Variants in CELF4 observed in about 807,000 individuals in gnomAD.
The protein encoded by CELF4 is CUGBP Elav-like family member 4.
In CELF4, 18 loss-of-function variants were observed where a neutral mutation model predicts 59.9. That is an observed-to-expected ratio of 0.30 (90% CI 0.21 to 0.45). The LOEUF (loss-of-function observed/expected upper bound fraction) is 0.45. Among genes scored for constraint, CELF4 ranks in the 20% least tolerant of loss-of-function variants. CELF4 has a pLI of 1.00. For missense variants in CELF4, 456 were observed against 689.0 expected, an observed-to-expected ratio of 0.66 and a Z score of 3.79; for synonymous variants, 261 against 267.1, an observed-to-expected ratio of 0.98 and a Z score of 0.22.
chr18:37,339,333 G>A (rs1053214605), intron 2 of CELF4, among the ~76,000 whole-genome samples: 25 of 152,214 alleles, frequency 1.6e-4, no homozygotes, highest in Non-Finnish European at 3.2e-4. Context: ...GAAAGTGGGG[G>A]CTTGGCTTGC....
chr18:37,435,499 C>G (rs1457336091), intron 2 of CELF4, among the ~76,000 whole-genome samples: 1 of 152,214 alleles, frequency 6.6e-6, no homozygotes, highest in Non-Finnish European at 1.5e-5. Context: ...CTGAGTTTCT[C>G]TCTCTTGCTT....
chr18:37,252,654 G>C (rs1321638689), intron 12 of CELF4, among the ~76,000 whole-genome samples: 1 of 83,982 alleles, frequency 1.2e-5, no homozygotes, highest in Non-Finnish European at 2.5e-5. Context: ...CACCTTCTAT[G>C]CTCCAATTCA....
chr18:37,432,482 AAAC>A (rs2099672912), intron 2 of CELF4, among the ~76,000 whole-genome samples: 1 of 152,242 alleles, frequency 6.6e-6, no homozygotes, highest in Non-Finnish European at 1.5e-5. Flanking sequence ...TCAACTTTAT[AAAC>A]AACAAAGACA....
At chr18:37,455,812 C>G (rs2099776515) in intron 2 of CELF4, among the ~76,000 whole-genome samples, 1 of 152,178 alleles carries the variant, frequency 6.6e-6, no homozygotes, top group Non-Finnish European at 1.5e-5. Flanking sequence ...CCCCCGGGCT[C>G]TCCCAGGGCT....
chr18:37,355,315 G>C (rs757295646), intron 2 of CELF4, among the ~76,000 whole-genome samples: 17 of 152,202 alleles, frequency 1.1e-4, no homozygotes, highest in African/African-American at 4.1e-4. Context: ...ATGTGGTATT[G>C]AGTGTATATC....
At chr18:37,476,225 G>A (rs1430978658) in intron 2 of CELF4, among the ~76,000 whole-genome samples, 1 of 152,208 alleles carries the variant, frequency 6.6e-6, no homozygotes, top group Non-Finnish European at 1.5e-5. Flanking sequence ...CAAGTTGGTT[G>A]GTGTCCTCTG....
At chr18:37,377,274 C>T (rs2098982141) in intron 2 of CELF4, among the ~76,000 whole-genome samples, 1 of 152,144 alleles carries the variant, frequency 6.6e-6, no homozygotes, top group East Asian at 1.9e-4. Flanking sequence ...CTGAGGACGG[C>T]CTCCTGCTTC....
intron 2 of CELF4, among the ~76,000 whole-genome samples, chr18:37,428,994 A>G (rs1046413004): frequency 1.3e-5 from 2 of 152,134 alleles, no homozygotes. Flanking sequence ...GTGGTTCCCA[A>G]TAATGTTTGC....
chr18:37,486,042 C>A (rs1194662547), intron 1 of CELF4: 4 of 154,376 alleles, frequency 2.6e-5, no homozygotes, highest in Non-Finnish European at 5.7e-5. Context: ...GAGTGCTGGG[C>A]GCTGCTCCCT....
chr18:37,270,664 T>C, intron 8 of CELF4, 104 bp downstream of exon 8: 2 of 1,367,566 alleles, frequency 1.5e-6, no homozygotes, highest in Non-Finnish European at 1.0e-6. Flanking sequence ...CATCAAGGAA[T>C]GGACAGAGGG....
At chr18:37,314,751 T>C (rs1259289311) in intron 3 of CELF4, among the ~76,000 whole-genome samples, 1 of 152,084 alleles carries the variant, frequency 6.6e-6, no homozygotes, top group Non-Finnish European at 1.5e-5. Context: ...CAGGACATTC[T>C]CACGGCCAGC....
chr18:37,541,020 C>T (rs1382869145), intron 1 of CELF4, among the ~76,000 whole-genome samples: 1 of 152,114 alleles, frequency 6.6e-6, no homozygotes, highest in Non-Finnish European at 1.5e-5. Flanking sequence ...GTGCATCACA[C>T]AGTCTGTGAC....
intron 3 of CELF4, among the ~76,000 whole-genome samples, chr18:37,301,981 G>A (rs1249091769): frequency 2.0e-5 from 3 of 152,194 alleles, no homozygotes; most frequent in Admixed American, 6.5e-5. Flanking sequence ...GCTCTGGGCA[G>A]GTGTCATTCA....
chr18:37,429,206 C>T (rs1415258836), intron 2 of CELF4, among the ~76,000 whole-genome samples: 1 of 152,156 alleles, frequency 6.6e-6, no homozygotes, highest in Non-Finnish European at 1.5e-5. Context: ...ATGTAGTTCT[C>T]TACCTTGACT....
At chr18:37,277,673 C>T (rs1200181513) in intron 3 of CELF4, among the ~76,000 whole-genome samples, 3 of 152,172 alleles carry the variant, frequency 2.0e-5, no homozygotes, top group African/African-American at 7.2e-5. Context: ...GAAGCAGCAA[C>T]AGCAATTTAC....
chr18:37,502,528 C>T (rs928136524), intron 1 of CELF4, among the ~76,000 whole-genome samples: 2 of 152,190 alleles, frequency 1.3e-5, no homozygotes, highest in African/African-American at 4.8e-5. Flanking sequence ...TGAGACAGGA[C>T]AGTGGCCCAG....
chr18:37,531,032 G>A (rs2099969075), intron 1 of CELF4, among the ~76,000 whole-genome samples: 1 of 152,058 alleles, frequency 6.6e-6, no homozygotes, highest in Admixed American at 6.6e-5. Flanking sequence ...ATCTGCTGAG[G>A]CAGGAGCTGG....
intron 2 of CELF4, among the ~76,000 whole-genome samples, chr18:37,438,670 C>A (rs914347685): frequency 2.0e-5 from 3 of 152,152 alleles, no homozygotes; most frequent in African/African-American, 7.2e-5. Flanking sequence ...AAAAAATATA[C>A]GGGACACATC....
intron 3 of CELF4, 126 bp from the exon 4 acceptor site, chr18:37,275,369 C>G (rs1486553422): frequency 6.5e-5 from 6 of 92,336 alleles, no homozygotes; most frequent in South Asian, 2.9e-4. Context: ...GGCTCGGAGC[C>G]GGCGGGGGAG....
Sources: gnomAD v4.1 joint callset for allele counts (sites outside exome capture counted in the v4.1 genomes callset) on GRCh38, gnomAD v4.1.1 for gene constraint, MANE v1.5 for transcripts, NCBI Gene and HGNC (gene_info 2026-07-23, HGNC 2026-07-21) for gene names.